The following FREM2 variants were observed in gnomAD, a reference collection of about 807,000 sequenced individuals.
The protein encoded by FREM2 is FRAS1-related extracellular matrix protein 2.
FREM2 carries 119 observed loss-of-function variants against 219.9 expected under a neutral mutation model. That is an observed-to-expected ratio of 0.54 (90% CI 0.47 to 0.63). FREM2 has a LOEUF of 0.63. Among genes scored for constraint, FREM2 ranks in the 30% least tolerant of loss-of-function variants. FREM2 has a pLI of 0.00. For missense variants in FREM2, 4,030 were observed against 3,993.6 expected (o/e 1.01, Z -0.25); for synonymous variants, 1,562 against 1,522.8 (o/e 1.03, Z -0.60).
At chr13:38,746,225 A>T (rs577842799) in intron 2 of FREM2, among the ~76,000 whole-genome samples, 1 of 152,208 alleles carries the variant, frequency 6.6e-6, no homozygotes, top group Non-Finnish European at 1.5e-5. Context: ...GCATAACAAC[A>T]TCTCAATCCT....
intron 13 of FREM2, among the ~76,000 whole-genome samples, chr13:38,858,869 G>A (rs1877655067): frequency 6.6e-6 from 1 of 151,730 alleles, no homozygotes; most frequent in Non-Finnish European, 1.5e-5. Flanking sequence ...TGCTGAATTA[G>A]ACAGAGAAGT....
At chr13:38,746,225 A>G (rs577842799) in intron 2 of FREM2, among the ~76,000 whole-genome samples, 7 of 152,326 alleles carry the variant, frequency 4.6e-5, no homozygotes, top group African/African-American at 1.2e-4. Flanking sequence ...GCATAACAAC[A>G]TCTCAATCCT....
chr13:38,877,744 T>C (rs1878391217), intron 21 of FREM2, among the ~76,000 whole-genome samples: 1 of 152,228 alleles, frequency 6.6e-6, no homozygotes, highest in Non-Finnish European at 1.5e-5. Flanking sequence ...TAATTAGGCT[T>C]TGTATTGATA....
intron 6 of FREM2, among the ~76,000 whole-genome samples, chr13:38,800,877 A>T (rs773135044): frequency 6.6e-6 from 1 of 152,110 alleles, no homozygotes; most frequent in African/African-American, 2.4e-5. Flanking sequence ...TGATCTGCCC[A>T]TCTCAGCCTC....
intron 2 of FREM2, among the ~76,000 whole-genome samples, chr13:38,750,277 G>T (rs144598810): frequency 6.6e-6 from 1 of 152,062 alleles, no homozygotes; most frequent in Non-Finnish European, 1.5e-5. Context: ...CATGAGGGCC[G>T]GTCTTTCCCT....
intron 12 of FREM2, 88 bp from the exon 13 acceptor site, chr13:38,857,787 G>C: frequency 8.7e-7 from 1 of 1,155,874 alleles, no homozygotes; most frequent in Non-Finnish European, 1.3e-6. Flanking sequence ...CCATGGGGTT[G>C]CCAGGGATCG....
chr13:38,782,943 C>T lies in FREM2; in HGVS notation c.5642-127C>T, dbSNP rs1284268131. 10 of 1,150,194 alleles carry T rather than the reference C, an allele frequency of 8.7e-6. No homozygotes were observed. In the Admixed American group the frequency reaches 1.7e-4, roughly 20 times the overall value. 71.2% of individuals were successfully genotyped at this position (1,150,194 alleles called of 1,614,324 possible). ...CCTCTCCTTCCTCCTTTTCCTCCCACTATGTTATTCTAAAGAATATTCAAG... is the reference window on the plus strand; with the variant it reads ...CCTCTCCTTCCTCCTTTTCCTCCCATTATGTTATTCTAAAGAATATTCAAG... On this transcript the variant is annotated intron_variant, in intron 4 of 23. Transcript: ENST00000280481.
At chr13:38,869,107 C>G (rs1361879179) in intron 16 of FREM2, among the ~76,000 whole-genome samples, 1 of 152,210 alleles carries the variant, frequency 6.6e-6, no homozygotes, top group Admixed American at 6.5e-5. Flanking sequence ...CACATTTTAT[C>G]AACTGGCAAT....
chr13:38,865,673 A>C (rs2137926887), intron 16 of FREM2, among the ~76,000 whole-genome samples: 1 of 152,348 alleles, frequency 6.6e-6, no homozygotes, highest in Non-Finnish European at 1.5e-5. Context: ...AATTGGACTC[A>C]GAGGTGGTGA....
At chr13:38,792,305 C>G (rs1173929289) in intron 6 of FREM2, among the ~76,000 whole-genome samples, 1 of 152,162 alleles carries the variant, frequency 6.6e-6, no homozygotes, top group Non-Finnish European at 1.5e-5. Flanking sequence ...GCTGAGATCA[C>G]ACCACTGCAC....
At position 38,877,236 on chromosome 13, in the gene FREM2, T is replaced by C; in HGVS notation, c.8664T>C (p.Phe2888=). ...MGFGQESDVA[F]AEGDIIYGRV... ...TCGGGCAAGAGAGTGATGTTGCTTT[T>C]GCAGAAGGTATCACTTTACAAATGA... The change falls in exon 21 of 24, where the codon TTT becomes TTC. Residue 2888 remains phenylalanine, a synonymous_variant. Transcript: ENST00000280481. 6.2e-7 allele frequency: 1 copy of C among 1,614,102 alleles called. No homozygotes were observed. The highest frequency in any genetic ancestry group is 8.5e-7 in the Non-Finnish European group (1 of 1,179,964).
rs1308424117 is a variant in FREM2, at chr13:38,852,658, T to C, written c.6925+790T>C. Among the ~76,000 whole-genome samples the C allele has an allele frequency of 2.0e-5, 3 of 151,934 alleles. No individual in the cohort carries two copies. In the East Asian group the frequency reaches 5.8e-4, roughly 30 times the overall value. ...CTAGGATTTAGGAGCCACTTAGAGA[T>C]GTCTTTCATCCCTCTCCTTTTGCAA... is the stretch of plus-strand genomic sequence containing the variant. On this transcript the variant is annotated intron_variant, in intron 11 of 23. Transcript: ENST00000280481.
At chr13:38,694,609 T>C (rs1408252333) in intron 1 of FREM2, among the ~76,000 whole-genome samples, 1 of 152,208 alleles carries the variant, frequency 6.6e-6, no homozygotes, top group Non-Finnish European at 1.5e-5. Flanking sequence ...TTGATGGATT[T>C]TCAATGCATT....
chr13:38,761,442 A>T lies in FREM2; in HGVS notation c.5264-2862A>T, dbSNP rs4640052. Among the ~76,000 whole-genome samples, 668 of 152,256 alleles carry T rather than the reference A, an allele frequency of 4.4e-3. 8 individuals carry two copies. Among genetic ancestry groups the T allele is most frequent in the African/African-American group, 0.015 (624 of 41,542 alleles). The stretch of plus-strand genomic sequence containing the variant: ...AATTGCATGTTATTCTATCTTTTCT[A>T]TTACTTTCTAGATGATGTTCCAATT... On this transcript the variant is annotated intron_variant, in intron 2 of 23. Transcript: ENST00000280481.
At chr13:38,836,301 C>T (rs1593436697) in intron 6 of FREM2, among the ~76,000 whole-genome samples, 1 of 152,242 alleles carries the variant, frequency 6.6e-6, no homozygotes, top group East Asian at 1.9e-4. Context: ...CCGACTTGAT[C>T]GTAGTAGATA....
At chr13:38,867,889 G>T (rs774356721) in intron 16 of FREM2, among the ~76,000 whole-genome samples, 1 of 152,200 alleles carries the variant, frequency 6.6e-6, no homozygotes, top group Non-Finnish European at 1.5e-5. Context: ...ATTGAGTGAG[G>T]ATGGGTCTTC....
intron 3 of FREM2, among the ~76,000 whole-genome samples, chr13:38,765,241 A>C (rs1253022715): frequency 6.6e-6 from 1 of 152,214 alleles, no homozygotes; most frequent in African/African-American, 2.4e-5. Flanking sequence ...ATAGAAGCAT[A>C]AAATAAAGTT....
intron 6 of FREM2, among the ~76,000 whole-genome samples, chr13:38,817,308 A>G (rs1382515547): frequency 1.3e-5 from 2 of 151,848 alleles, no homozygotes; most frequent in African/African-American, 4.9e-5. Flanking sequence ...TCACTTCAAA[A>G]TATACTACAA....
At position 38,850,236 on chromosome 13, in the gene FREM2, G is replaced by C; in HGVS notation, c.6577+1G>C. 6.2e-7 allele frequency: 1 copy of C among 1,613,560 alleles called. No homozygotes were observed. Among genetic ancestry groups the C allele is most frequent in the Non-Finnish European group, 8.5e-7 (1 of 1,179,616 alleles). ...ACCTCCATCATCACATTCCTCCCTG[G>C]TAAGCTTGAACTTGAAATTTTTTCG... On this transcript the variant is annotated splice_donor_variant, in intron 9 of 23. Transcript: ENST00000280481. LOFTEE classifies it high-confidence loss of function.
Sources: allele counts gnomAD v4.1 joint callset (sites outside exome capture counted in the v4.1 genomes callset), GRCh38; gene constraint gnomAD v4.1.1; transcripts MANE v1.5; gene names NCBI Gene and HGNC (gene_info 2026-07-23, HGNC 2026-07-21).